The following EML1 variants were observed in gnomAD, a reference collection of about 807,000 sequenced individuals.
EML1 encodes EMAP like 1.
In EML1, 27 loss-of-function variants were observed where a neutral mutation model predicts 110.4. The observed-to-expected ratio is 0.24, with a 90% CI of 0.18 to 0.34. The LOEUF (loss-of-function observed/expected upper bound fraction) is 0.34, where lower values mean the gene tolerates loss of function less well. Among genes scored for constraint, EML1 ranks in the 10% least tolerant of loss-of-function variants. The pLI is 1.00. For synonymous variants in EML1, 344 were observed against 385.8 expected (o/e 0.89, Z 1.27); for missense variants, 741 against 1,030.9 (o/e 0.72, Z 3.85).
rs186730611 is a variant in EML1, at chr14:99,917,995, G to A, written c.1820+146G>A. 6.4e-4 allele frequency: 489 copies of A among 764,520 alleles called. 3 individuals are homozygous for A. Among genetic ancestry groups the A allele is most frequent in the Non-Finnish European group, 2.5e-4 (120 of 479,746 alleles). 47.4% of individuals were successfully genotyped at this position (764,520 alleles called of 1,614,324 possible). A position where few individuals can be genotyped will look rare whatever the true frequency, so the allele number is the denominator to read the frequency against. The stretch of plus-strand genomic sequence containing the variant: ...ACTTACCAAGAATTAAGTTAAAAGC[G>A]AAACTTGAAACAGTGGCCCATTACA... On this transcript the variant is annotated intron_variant, in intron 16 of 21. Coordinates refer to ENST00000262233, the MANE Select transcript of EML1 (RefSeq NM_004434.3).
chr14:99,849,594 C>T (rs549214963), intron 1 of EML1, among the ~76,000 whole-genome samples: 2 of 152,018 alleles, frequency 1.3e-5, no homozygotes, highest in East Asian at 2.0e-4. Context: ...GTTGCCCAGG[C>T]TGGAGTGCAG....
chr14:99,824,202 C>T (rs1427056300), intron 1 of EML1, among the ~76,000 whole-genome samples: 1 of 152,190 alleles, frequency 6.6e-6, no homozygotes, highest in Non-Finnish European at 1.5e-5. Context: ...TCAGGCGATC[C>T]ACCCGCCTCA....
intron 1 of EML1, among the ~76,000 whole-genome samples, chr14:99,825,036 T>A (rs1595345697): frequency 6.6e-6 from 1 of 152,218 alleles, no homozygotes; most frequent in Middle Eastern, 3.4e-3. Context: ...CAGGCTGGAG[T>A]GCAGTGGCAC....
intron 5 of EML1, among the ~76,000 whole-genome samples, chr14:99,892,902 A>G (rs2059611533): frequency 1.3e-5 from 2 of 152,232 alleles, no homozygotes; most frequent in Non-Finnish European, 2.9e-5. Context: ...GAGAGTTGCT[A>G]GAATCCCTTT....
In EML1 at chr14:99,850,199, A is replaced by G. The variant is rs1234596261; in HGVS notation, c.68-654A>G. On this transcript the variant is annotated intron_variant, in intron 1 of 21. Coordinates refer to ENST00000262233, the MANE Select transcript of EML1 (RefSeq NM_004434.3). ...AGCAGTCTGCCTACCTCAGCCTCCC[A>G]AAGTGTTCTCTGTGTTCTCTGGTTG... is the stretch of plus-strand genomic sequence containing the variant. 4.0e-6 allele frequency: 4 copies of G among 1,008,728 alleles called. No homozygotes were observed. In the South Asian group the frequency reaches 4.0e-5, roughly 10 times the overall value. 62.5% of individuals were successfully genotyped at this position (1,008,728 alleles called of 1,614,324 possible). A position where few individuals can be genotyped will look rare whatever the true frequency, so the allele number is the denominator to read the frequency against.
chr14:99,823,816 A>G (rs1007088727), intron 1 of EML1, among the ~76,000 whole-genome samples: 1 of 152,108 alleles, frequency 6.6e-6, no homozygotes. Context: ...CCTGGCTGTC[A>G]CTTGGTATCT....
chr14:99,873,484 T>C (rs2059238510), intron 3 of EML1, among the ~76,000 whole-genome samples: 1 of 152,226 alleles, frequency 6.6e-6, no homozygotes, highest in Non-Finnish European at 1.5e-5. Flanking sequence ...ATTATTCCGA[T>C]CCATTGAAAC....
intron 1 of EML1, among the ~76,000 whole-genome samples, chr14:99,759,316 G>A (rs995093766): frequency 1.3e-5 from 2 of 152,220 alleles, no homozygotes; most frequent in African/African-American, 2.4e-5. Context: ...TCAGGCAGGG[G>A]CTCAAGGTGA....
At chr14:99,884,250 CT>C (rs1288016304) in intron 4 of EML1, among the ~76,000 whole-genome samples, 1 of 152,102 alleles carries the variant, frequency 6.6e-6, no homozygotes, top group African/African-American at 2.4e-5. Context: ...GCTTGCAGGG[CT>C]TTTTTTCTTG....
At chr14:99,840,204 A>G (rs1347499002) in intron 1 of EML1, among the ~76,000 whole-genome samples, 1 of 152,230 alleles carries the variant, frequency 6.6e-6, no homozygotes, top group East Asian at 1.9e-4. Flanking sequence ...GATTGGTTTT[A>G]AACTACTAAA....
chr14:99,768,962 C>A (rs566468663), upstream of EML1, among the ~76,000 whole-genome samples: 3 of 152,286 alleles, frequency 2.0e-5, no homozygotes, highest in South Asian at 2.1e-4. Flanking sequence ...AGATGATCTG[C>A]CTGCCTTGGC....
chr14:99,778,013 C>G (rs936391676), intron 1 of EML1, among the ~76,000 whole-genome samples: 1 of 152,026 alleles, frequency 6.6e-6, no homozygotes, highest in Non-Finnish European at 1.5e-5. Flanking sequence ...AGGCTGGTCT[C>G]GAACTCCTGG....
intron 9 of EML1, among the ~76,000 whole-genome samples, chr14:99,902,099 G>A (rs1231392060): frequency 6.6e-6 from 1 of 152,176 alleles, no homozygotes; most frequent in Non-Finnish European, 1.5e-5. Context: ...CGTCAGTATG[G>A]CAAGGTGATA....
At chr14:99,850,770 A>G (rs996771837) in intron 1 of EML1, 83 bp from the exon 2 acceptor site, 13 of 1,473,512 alleles carry the variant, frequency 8.8e-6, no homozygotes, top group Admixed American at 3.8e-5. Flanking sequence ...AATGGGCTTA[A>G]AACAGCATGC....
At chr14:99,789,997 C>T (rs559651583), upstream of EML1, among the ~76,000 whole-genome samples, 3 of 151,916 alleles carry the variant, frequency 2.0e-5, no homozygotes, top group South Asian at 4.2e-4. Flanking sequence ...GTAGATTATA[C>T]CTAAGTGACT....
At chr14:99,818,112 G>C (rs1413486992) in intron 1 of EML1, among the ~76,000 whole-genome samples, 1 of 152,112 alleles carries the variant, frequency 6.6e-6, no homozygotes, top group Non-Finnish European at 1.5e-5. Flanking sequence ...ACAAGAGTTG[G>C]GGGTGGGGGC....
chr14:99,939,155 C>T lies in EML1; in HGVS notation c.2192-42C>T. On this transcript the variant is annotated intron_variant, in intron 20 of 21. Transcript: ENST00000262233. The surrounding 1 kb of genome is among the most constrained non-coding windows in gnomAD (Gnocchi z 4.2). ...CTTCCTGCGCCATGTGGCCCTGTGGCCCCTGGTGTTTCCAGCGCCCTGTTT... is the reference window on the plus strand; with the variant it reads ...CTTCCTGCGCCATGTGGCCCTGTGGTCCCTGGTGTTTCCAGCGCCCTGTTT... The T allele has an allele frequency of 6.2e-7, 1 of 1,608,868 alleles. No homozygotes were observed. The highest frequency in any genetic ancestry group is 1.1e-5 in the South Asian group (1 of 90,430).
intron 1 of EML1, among the ~76,000 whole-genome samples, chr14:99,822,270 G>A (rs986115930): frequency 1.3e-5 from 2 of 152,100 alleles, no homozygotes; most frequent in Non-Finnish European, 2.9e-5. Context: ...CCAAATGCAG[G>A]CACTATATAT....
At chr14:99,914,337 T>C in intron 14 of EML1, 33 bp downstream of exon 14, 1 of 1,595,188 alleles carries the variant, frequency 6.3e-7, no homozygotes, top group Middle Eastern at 1.7e-4. Flanking sequence ...CGGCAAACAC[T>C]CTCATTTTGC....
Sources: gnomAD v4.1 joint callset for allele counts (sites outside exome capture counted in the v4.1 genomes callset) on GRCh38, gnomAD v4.1.1 for gene constraint, Gnocchi (gnomAD v3.1) non-coding constraint, MANE v1.5 for transcripts, NCBI Gene and HGNC (gene_info 2026-07-23, HGNC 2026-07-21) for gene names.